The following TSPAN7 variants were observed in gnomAD, a reference collection of about 807,000 sequenced individuals.
TSPAN7 encodes the protein tetraspanin 7, also known as tetraspanin-7.
Under a neutral mutation model 17.6 loss-of-function variants are expected in TSPAN7, and 1 was observed. The ratio of observed to expected loss-of-function variants is 0.06; its 90% CI spans 0.02 to 0.27. The LOEUF (loss-of-function observed/expected upper bound fraction) is 0.27. TSPAN7 is among the 10% of genes least tolerant of loss of function. TSPAN7 has a pLI of 1.00. For missense variants in TSPAN7, 112 were observed against 201.7 expected, an observed-to-expected ratio of 0.56 and a Z score of 2.69; for synonymous variants, 78 against 79.0, an observed-to-expected ratio of 0.99 and a Z score of 0.07.
At chrX:38,577,502 A>T (rs1195306764) in intron 1 of TSPAN7, among the ~76,000 whole-genome samples, 1 of 109,008 alleles carries the variant, frequency 9.2e-6, no homozygotes, top group Non-Finnish European at 1.9e-5. Flanking sequence ...CAAGATATTC[A>T]TGTCCTTTGT....
chrX:38,563,694 C>T (rs2069126934), intron 1 of TSPAN7, among the ~76,000 whole-genome samples: 1 of 111,427 alleles, frequency 9.0e-6, no homozygotes, highest in Non-Finnish European at 1.9e-5. Flanking sequence ...CATTTTATGT[C>T]CTCCGGAAGT....
At chrX:38,587,016 G>A (rs910188451) in intron 1 of TSPAN7, among the ~76,000 whole-genome samples, 4 of 112,404 alleles carry the variant, frequency 3.6e-5, no homozygotes, top group Non-Finnish European at 1.9e-5. Flanking sequence ...TTCAACTGGG[G>A]GTGGTTTTCC....
At chrX:38,653,213 C>T (rs1458139454) in intron 1 of TSPAN7, among the ~76,000 whole-genome samples, 1 of 111,502 alleles carries the variant, frequency 9.0e-6, no homozygotes, top group East Asian at 2.8e-4. Context: ...CACGGTACTG[C>T]TCAATAAATG....
At chrX:38,565,755 T>C (rs2069139515) in intron 1 of TSPAN7, among the ~76,000 whole-genome samples, 2 of 112,213 alleles carry the variant, frequency 1.8e-5, no homozygotes, top group Admixed American at 1.9e-4. Flanking sequence ...AGAGAGATTA[T>C]TGTTTTATCT....
chrX:38,583,861 G>A (rs767810888), intron 1 of TSPAN7, among the ~76,000 whole-genome samples: 6 of 109,552 alleles, frequency 5.5e-5, no homozygotes, highest in East Asian at 2.8e-4. Context: ...CTCTCCCTGC[G>A]TTGACAGCAT....
intron 1 of TSPAN7, among the ~76,000 whole-genome samples, chrX:38,654,088 C>G (rs2069689748): frequency 8.9e-6 from 1 of 111,858 alleles, no homozygotes; most frequent in East Asian, 2.8e-4. Flanking sequence ...AAAGAACCTT[C>G]TACAGACAGG....
intron 1 of TSPAN7, among the ~76,000 whole-genome samples, chrX:38,613,643 G>A (rs2069434666): frequency 8.9e-6 from 1 of 111,756 alleles, no homozygotes; most frequent in African/African-American, 3.3e-5. Flanking sequence ...GGAGCTTCTT[G>A]GGGAAAGAGG....
chrX:38,582,346 TTTC>T lies in TSPAN7; in HGVS notation c.81+20722_81+20724del, dbSNP rs749828706. Among the ~76,000 whole-genome samples, 239 of 111,994 alleles carry T rather than the reference TTTC, an allele frequency of 2.1e-3. 1 individual carries two copies. The highest frequency in any genetic ancestry group is 0.01 in the South Asian group (27 of 2,675). The stretch of plus-strand genomic sequence containing the variant: ...CAAATACAAAGCTCAACACAAAATG[TTTC>T]TTAAGTTATATTAGTTAATGCACAT... On this transcript the variant is annotated intron_variant, in intron 1 of 7. Transcript: ENST00000378482.
intron 1 of TSPAN7, among the ~76,000 whole-genome samples, chrX:38,628,389 T>C (rs2069533521): frequency 1.8e-5 from 2 of 111,638 alleles, no homozygotes; most frequent in South Asian, 7.6e-4. Context: ...ACACTTACGG[T>C]GGCAATTCTG....
intron 1 of TSPAN7, among the ~76,000 whole-genome samples, chrX:38,594,975 C>A (rs2147407691): frequency 9.0e-6 from 1 of 111,193 alleles, no homozygotes; most frequent in African/African-American, 3.3e-5. Flanking sequence ...TTTTTTATAG[C>A]AGCTTGGTAC....
chrX:38,647,046 A>C (rs1459874324), intron 1 of TSPAN7, among the ~76,000 whole-genome samples: 1 of 111,950 alleles, frequency 8.9e-6, no homozygotes, highest in Non-Finnish European at 1.9e-5. Flanking sequence ...AATAGGCATC[A>C]AAGTTTGGAG....
chrX:38,611,766 A>G (rs1414197417), intron 1 of TSPAN7, among the ~76,000 whole-genome samples: 2 of 111,766 alleles, frequency 1.8e-5, no homozygotes, highest in African/African-American at 6.5e-5. Flanking sequence ...TAAATACAAA[A>G]GAATGTTTAG....
At chrX:38,630,302 T>C (rs2069543138) in intron 1 of TSPAN7, among the ~76,000 whole-genome samples, 1 of 112,458 alleles carries the variant, frequency 8.9e-6, no homozygotes, top group Non-Finnish European at 1.9e-5. Context: ...CTCTGTTCTG[T>C]AGCCATCTTT....
chrX:38,572,354 G>C (rs1010248986), intron 1 of TSPAN7, among the ~76,000 whole-genome samples: 7 of 111,383 alleles, frequency 6.3e-5, no homozygotes, highest in Non-Finnish European at 1.3e-4. Flanking sequence ...ATTGTAATTG[G>C]CTTCCAGAAG....
intron 1 of TSPAN7, among the ~76,000 whole-genome samples, chrX:38,660,403 T>G (rs1283198350): frequency 8.9e-6 from 1 of 112,066 alleles, no homozygotes; most frequent in Non-Finnish European, 1.9e-5. Flanking sequence ...GGTCCCAACA[T>G]TGTGCAAAGA....
intron 1 of TSPAN7, among the ~76,000 whole-genome samples, chrX:38,595,563 A>G (rs1025164694): frequency 1.8e-5 from 2 of 112,189 alleles, no homozygotes; most frequent in African/African-American, 6.5e-5. Context: ...GAAGAAGTCA[A>G]ATGAAGACAG....
At chrX:38,562,277 A>C (rs923250519) in intron 1 of TSPAN7, among the ~76,000 whole-genome samples, 1 of 111,216 alleles carries the variant, frequency 9.0e-6, no homozygotes, top group Non-Finnish European at 1.9e-5. Flanking sequence ...TTTCTTGGTG[A>C]CCCAAGAGAT....
chrX:38,614,954 G>C (rs1042605279), intron 1 of TSPAN7, among the ~76,000 whole-genome samples: 27 of 110,601 alleles, frequency 2.4e-4, no homozygotes, highest in African/African-American at 8.9e-4. Flanking sequence ...AATGAATACA[G>C]CCATAAATGG....
At chrX:38,573,301 G>T (rs775163283) in intron 1 of TSPAN7, among the ~76,000 whole-genome samples, 1 of 111,467 alleles carries the variant, frequency 9.0e-6, no homozygotes, top group East Asian at 2.8e-4. Flanking sequence ...GGTTTGAACA[G>T]GAACCAAAAA....
Sources: gnomAD v4.1 joint callset for allele counts (sites outside exome capture counted in the v4.1 genomes callset) on GRCh38, gnomAD v4.1.1 for gene constraint, MANE v1.5 for transcripts, NCBI Gene and HGNC (gene_info 2026-07-23, HGNC 2026-07-21) for gene names.